The following DTWD1 variants were observed in gnomAD, a reference collection of about 807,000 sequenced individuals.
The protein encoded by DTWD1 is DTW motif tRNA-uridine aminocarboxypropyltransferase 1.
In DTWD1, 27 loss-of-function variants were observed where a neutral mutation model predicts 30.2. The ratio of observed to expected loss-of-function variants is 0.90; its 90% CI spans 0.66 to 1.23. The LOEUF (loss-of-function observed/expected upper bound fraction) is 1.23, where lower values mean the gene tolerates loss of function less well. DTWD1 is among the 50% of genes most tolerant of loss of function. The pLI is 0.00. For synonymous variants in DTWD1, 99 were observed against 113.1 expected, an observed-to-expected ratio of 0.88 and a Z score of 0.79; for missense variants, 342 against 348.8, an observed-to-expected ratio of 0.98 and a Z score of 0.15.
At chr15:49,637,410 T>C (rs1419909669) in intron 4 of DTWD1, among the ~76,000 whole-genome samples, 1 of 152,154 alleles carries the variant, frequency 6.6e-6, no homozygotes, top group South Asian at 2.1e-4. Flanking sequence ...TCAATTGTTT[T>C]TCTAAGAAGC....
At position 49,647,884 on chromosome 15, in the gene DTWD1, TAAA is replaced by T. The variant is rs1290414227; in HGVS notation, c.*4310_*4312del. 6.6e-6 allele frequency: 1 copy of T among 150,992 alleles called. No individual in the cohort carries two copies. Among genetic ancestry groups the T allele is most frequent in the Non-Finnish European group, 1.5e-5 (1 of 67,736 alleles). 9.4% of individuals were successfully genotyped at this position (150,992 alleles called of 1,614,324 possible). ...GGAGAGTGTGAAAAAGAACAAGCAA[TAAA>T]AAAGATCTCAGAAATTTAAAAAGTG... is the stretch of plus-strand genomic sequence containing the variant. On this transcript the variant is annotated 3_prime_UTR_variant, in exon 5 of 5. Coordinates refer to ENST00000403028, the MANE Select transcript of DTWD1 (RefSeq NM_001144955.2).
At chr15:49,638,195 T>C (rs1466666716) in intron 4 of DTWD1, among the ~76,000 whole-genome samples, 1 of 152,178 alleles carries the variant, frequency 6.6e-6, no homozygotes, top group African/African-American at 2.4e-5. Flanking sequence ...TGAAAAAACA[T>C]AAGTAAAAAC....
chr15:49,641,215 T>G, intron 4 of DTWD1, among the ~76,000 whole-genome samples: 1 of 152,040 alleles, frequency 6.6e-6, no homozygotes, highest in East Asian at 1.9e-4. Flanking sequence ...TGGATCTACT[T>G]TCTACCATCT....
rs368973380 is a variant in DTWD1 at position 49,649,133 on chromosome 15, A to G, written c.*5555A>G. The G allele has an allele frequency of 6.6e-6, 1 of 152,320 alleles. No individual in the cohort carries two copies. The highest frequency in any genetic ancestry group is 1.9e-4 in the East Asian group (1 of 5,176). 9.4% of individuals were successfully genotyped at this position (152,320 alleles called of 1,614,324 possible). A position where few individuals can be genotyped will look rare whatever the true frequency, so the allele number is the denominator to read the frequency against. ...TTTCAGAACACTGTGGATAGAAAAT[A>G]CTAAAAGATTTCAAACAGAAGAAAT... On this transcript the variant is annotated 3_prime_UTR_variant, in exon 5 of 5. Coordinates refer to ENST00000403028, the MANE Select transcript of DTWD1 (RefSeq NM_001144955.2).
chr15:49,630,557 G>C (rs975681693), intron 2 of DTWD1, among the ~76,000 whole-genome samples: 59 of 152,140 alleles, frequency 3.9e-4, no homozygotes, highest in African/African-American at 1.4e-3. Context: ...TGCAGTACTT[G>C]TATAAGCATT....
chr15:49,637,282 T>C (rs1440790687), intron 4 of DTWD1, among the ~76,000 whole-genome samples: 1 of 152,194 alleles, frequency 6.6e-6, no homozygotes, highest in Admixed American at 6.5e-5. Flanking sequence ...TTTGATGCTC[T>C]AGTTCTCTCA....
chr15:49,634,760 A>G lies in DTWD1; in HGVS notation c.633A>G (p.Gln211=). The G allele has an allele frequency of 3.1e-6, 5 of 1,593,000 alleles. No individual in the cohort carries two copies. Among genetic ancestry groups the G allele is most frequent in the African/African-American group, 1.4e-5 (1 of 73,896 alleles). Residue 211 remains glutamine, a synonymous_variant, in exon 4 of 5, where the codon CAA becomes CAG. Transcript: ENST00000403028. ...TATTTATAGATAGCACCTGGAACCA[A>G]ACAAACAAAATATTCACTGATGAGC... ...KIIFIDSTWN[Q]TNKIFTDERL...
chr15:49,626,873 C>T (rs16962668), intron 2 of DTWD1: 8 of 335,644 alleles, frequency 2.4e-5, no homozygotes, highest in East Asian at 1.5e-4. Flanking sequence ...CAGTTTGCTC[C>T]GAAAAAACAA....
At chr15:49,631,269 T>C (rs909878378) in intron 2 of DTWD1, among the ~76,000 whole-genome samples, 2 of 152,172 alleles carry the variant, frequency 1.3e-5, no homozygotes, top group African/African-American at 2.4e-5. Context: ...TTTTGTGATA[T>C]AAAGATTACA....
Position 49,653,466 on chromosome 15 carries a change from CT to C in DTWD1, c.*9889del, listed in dbSNP as rs2079163805. 6.6e-6 allele frequency: 1 copy of C among 152,076 alleles called. No individual in the cohort carries two copies. The highest frequency in any genetic ancestry group is 6.6e-5 in the Admixed American group (1 of 15,256). The allele number at this position is 152,076 out of a possible 1,614,324, so 9.4% of individuals were successfully genotyped here. On this transcript the variant is annotated 3_prime_UTR_variant, in exon 5 of 5. Transcript: ENST00000403028. ...TCAGTGAGATTTTTGTGTTGGACTT[CT>C]ACAGAACTATATAAGAATAAATTGT... is the stretch of plus-strand genomic sequence containing the variant.
At chr15:49,642,758 AAAAAT>A (rs2079079900) in intron 4 of DTWD1, among the ~76,000 whole-genome samples, 1 of 151,938 alleles carries the variant, frequency 6.6e-6, no homozygotes, top group African/African-American at 2.4e-5. Flanking sequence ...GTCTCTAAAA[AAAAAT>A]AAAAATAAAA....
chr15:49,633,037 T>TTATATCTATA (rs1196656731), intron 3 of DTWD1, among the ~76,000 whole-genome samples: 7 of 76,696 alleles, frequency 9.1e-5, no homozygotes, highest in Non-Finnish European at 2.4e-4. Context: ...ACTTTCCTAT[T>TTATATCTATA]TATATCTATA....
chr15:49,638,868 C>G (rs2079032944), intron 4 of DTWD1, among the ~76,000 whole-genome samples: 1 of 152,092 alleles, frequency 6.6e-6, no homozygotes, highest in Non-Finnish European at 1.5e-5. Flanking sequence ...CCTAAACCTA[C>G]AGGTGAAGAA....
rs73406043 is a variant in DTWD1, at chr15:49,625,725, G to A, written c.264+294G>A. Among the ~76,000 whole-genome samples, 4,145 of 152,162 alleles carry A rather than the reference G, an allele frequency of 0.027. 194 individuals carry two copies. The highest frequency in any genetic ancestry group is 0.096 in the African/African-American group (3,979 of 41,502). On this transcript the variant is annotated intron_variant, in intron 2 of 4. Transcript: ENST00000403028. ...TGTCCTTCCCTTATTGGCTAGGGTT[G>A]GACCACACAATCAAAACTGATTCCA...
chr15:49,633,559 C>A, intron 3 of DTWD1: 1 of 242,770 alleles, frequency 4.1e-6, no homozygotes, highest in Non-Finnish European at 8.4e-6. Flanking sequence ...GTCTCGAACT[C>A]CTAGGGCTCA....
rs539607080 is a variant in DTWD1, at chr15:49,647,124, G to T, written c.*3546G>T. On this transcript the variant is annotated 3_prime_UTR_variant, in exon 5 of 5. Transcript: ENST00000403028. ...CAAAGTACTCATGACTTCATTTGTA[G>T]AAACATGTATATCTTAAGCATATCA... 4 of 152,280 alleles carry T rather than the reference G, an allele frequency of 2.6e-5. No homozygotes were observed. In the East Asian group the frequency reaches 7.7e-4, roughly 29 times the overall value. The allele number at this position is 152,280 out of a possible 1,614,324, so 9.4% of individuals were successfully genotyped here.
At chr15:49,627,601 A>T (rs2078860604) in intron 2 of DTWD1, among the ~76,000 whole-genome samples, 1 of 152,216 alleles carries the variant, frequency 6.6e-6, no homozygotes, top group Admixed American at 6.5e-5. Context: ...CACCTGGGCA[A>T]TACCTATTGC....
chr15:49,624,715 A>G (rs1032677223), intron 1 of DTWD1, among the ~76,000 whole-genome samples: 2 of 152,168 alleles, frequency 1.3e-5, no homozygotes, highest in African/African-American at 4.8e-5. Context: ...TATCTTTTAG[A>G]ACATAACCAA....
At chr15:49,631,566 C>T (rs1165415810) in intron 2 of DTWD1, among the ~76,000 whole-genome samples, 1 of 152,022 alleles carries the variant, frequency 6.6e-6, no homozygotes, top group African/African-American at 2.4e-5. Context: ...AGTTCAAGAC[C>T]AACCTGGCCA....
Sources: allele counts gnomAD v4.1 joint callset (sites outside exome capture counted in the v4.1 genomes callset), GRCh38; gene constraint gnomAD v4.1.1; transcripts MANE v1.5; gene names NCBI Gene and HGNC (gene_info 2026-07-23, HGNC 2026-07-21).